The following DGKI variants were observed in gnomAD, a reference collection of about 807,000 sequenced individuals.
The protein encoded by DGKI is DAG kinase iota.
In DGKI, 55 loss-of-function variants were observed where a neutral mutation model predicts 147.5. That is an observed-to-expected ratio of 0.37 (90% CI 0.30 to 0.47). DGKI has a LOEUF of 0.47. Ranked by LOEUF, DGKI falls within the 20% of genes least tolerant of loss-of-function variation. The pLI, the probability that DGKI is intolerant of heterozygous loss-of-function variation, is 1.00. For synonymous variants in DGKI, 469 were observed against 477.1 expected (o/e 0.98, Z 0.22); for missense variants, 1,007 against 1,323.8 (o/e 0.76, Z 3.71).
chr7:137,559,996 A>G (rs1409460489), intron 19 of DGKI, among the ~76,000 whole-genome samples: 1 of 152,224 alleles, frequency 6.6e-6, no homozygotes, highest in African/African-American at 2.4e-5. Flanking sequence ...CGTCCCTTAT[A>G]TAAGACTGAT....
chr7:137,793,733 T>TC (rs1177637861), intron 1 of DGKI, among the ~76,000 whole-genome samples: 2 of 152,228 alleles, frequency 1.3e-5, no homozygotes, highest in African/African-American at 4.8e-5. Flanking sequence ...CTTAATGTGA[T>TC]TCCTACAATA....
chr7:137,664,405 AAG>A (rs1822561149), intron 3 of DGKI, among the ~76,000 whole-genome samples: 1 of 151,372 alleles, frequency 6.6e-6, no homozygotes, highest in African/African-American at 2.4e-5. Flanking sequence ...AAAAGAAAGA[AAG>A]AAAGAAAAAA....
At chr7:137,722,654 G>A (rs142699834) in intron 1 of DGKI, 44 of 1,583,264 alleles carry the variant, frequency 2.8e-5, no homozygotes, top group South Asian at 7.7e-5. Flanking sequence ...AAGAAGCTGC[G>A]GAAGCCCAGA....
chr7:137,679,754 G>A (rs926905301), intron 2 of DGKI, among the ~76,000 whole-genome samples: 32 of 151,948 alleles, frequency 2.1e-4, no homozygotes, highest in Non-Finnish European at 4.1e-4. Context: ...TTGGGAGGCC[G>A]AGGTGGGCAG....
intron 1 of DGKI, among the ~76,000 whole-genome samples, chr7:137,738,724 T>TC (rs34551825): frequency 2.3e-4 from 34 of 145,488 alleles, no homozygotes; most frequent in Non-Finnish European, 3.9e-4. Flanking sequence ...AAGATGAGGT[T>TC]CCCCCCCCCC....
At chr7:137,800,285 C>G (rs1386581892) in intron 1 of DGKI, among the ~76,000 whole-genome samples, 1 of 152,046 alleles carries the variant, frequency 6.6e-6, no homozygotes, top group Non-Finnish European at 1.5e-5. Flanking sequence ...TGTCCCCACC[C>G]AAATATCCTG....
chr7:137,513,803 T>C (rs1057295206), intron 21 of DGKI: 33 of 602,288 alleles, frequency 5.5e-5, no homozygotes, highest in Non-Finnish European at 9.2e-5. Context: ...AGTAAAACTA[T>C]GGTATTAAAA....
chr7:137,620,298 G>A (rs1820702029), intron 7 of DGKI, among the ~76,000 whole-genome samples: 2 of 152,168 alleles, frequency 1.3e-5, no homozygotes, highest in African/African-American at 4.8e-5. Flanking sequence ...TAGAGTCTTG[G>A]AGGGTTCTAT....
intron 21 of DGKI, among the ~76,000 whole-genome samples, chr7:137,488,580 C>T (rs896056542): frequency 4.8e-4 from 73 of 152,100 alleles, no homozygotes; most frequent in African/African-American, 1.7e-3. Flanking sequence ...AATCCATGAT[C>T]TAACATAAAA....
chr7:137,499,118 T>G (rs1224360109), intron 21 of DGKI, among the ~76,000 whole-genome samples: 1 of 152,176 alleles, frequency 6.6e-6, no homozygotes, highest in African/African-American at 2.4e-5. Context: ...ATCTGCTACT[T>G]AGTTTTTTCA....
chr7:137,787,769 AC>A (rs1796718392), intron 1 of DGKI, among the ~76,000 whole-genome samples: 1 of 152,150 alleles, frequency 6.6e-6, no homozygotes, highest in African/African-American at 2.4e-5. Context: ...ACGGAATACT[AC>A]TCAGCCATGA....
chr7:137,530,931 T>C (rs796884052), intron 20 of DGKI, among the ~76,000 whole-genome samples: 4 of 152,194 alleles, frequency 2.6e-5, no homozygotes, highest in Admixed American at 2.6e-4. Context: ...TTACTAGATA[T>C]TATTGCAAAT....
intron 31 of DGKI, chr7:137,395,909 C>T (rs1018652777): frequency 5.7e-6 from 3 of 525,412 alleles, no homozygotes; most frequent in Middle Eastern, 4.9e-4. Flanking sequence ...GACTCTAGCC[C>T]CCTTTCCAAA....
chr7:137,816,405 G>T (rs1445784539), intron 1 of DGKI, among the ~76,000 whole-genome samples: 1 of 152,186 alleles, frequency 6.6e-6, no homozygotes, highest in African/African-American at 2.4e-5. Context: ...GTTAATACAT[G>T]CAAAATGCTT....
At chr7:137,751,872 A>C (rs1795498585) in intron 1 of DGKI, among the ~76,000 whole-genome samples, 1 of 152,184 alleles carries the variant, frequency 6.6e-6, no homozygotes, top group Non-Finnish European at 1.5e-5. Flanking sequence ...TCAACCTCAG[A>C]ACCAAAAAGC....
chr7:137,641,215 A>G (rs1336280903), intron 6 of DGKI, among the ~76,000 whole-genome samples: 6 of 152,162 alleles, frequency 3.9e-5, no homozygotes, highest in Non-Finnish European at 7.3e-5. Context: ...ATGATTGTGA[A>G]GCCTCCCCAG....
In DGKI at chr7:137,384,846, A is replaced by C. The variant is rs533547792; in HGVS notation, c.*6374T>G. ...TCCCACTATCAAAGCCTCCCATTTC[A>C]GAAGGCATTTGGCTCAAAATATTGA... is the stretch of plus-strand genomic sequence containing the variant. On this transcript the variant is annotated 3_prime_UTR_variant, in exon 33 of 33. Coordinates refer to ENST00000614521, the MANE Select transcript of DGKI (RefSeq NM_001321708.2). 1 of 152,272 alleles carries C rather than the reference A, an allele frequency of 6.6e-6. No homozygotes were observed. The highest frequency in any genetic ancestry group is 2.1e-4 in the South Asian group (1 of 4,830). The allele number at this position is 152,272 out of a possible 1,614,324, so 9.4% of individuals were successfully genotyped here.
At chr7:137,487,537 A>T (rs983725017) in intron 22 of DGKI, 73 bp downstream of exon 22, 7 of 1,329,952 alleles carry the variant, frequency 5.3e-6, no homozygotes, top group Non-Finnish European at 7.6e-6. Context: ...TTCAGAAGCA[A>T]ATATATATGG....
intron 27 of DGKI, among the ~76,000 whole-genome samples, chr7:137,459,021 C>T (rs554150127): frequency 6.6e-6 from 1 of 152,318 alleles, no homozygotes; most frequent in African/African-American, 2.4e-5. Context: ...ACACTATACA[C>T]ATTGCGTATC....
Sources: gnomAD v4.1 joint callset for allele counts (sites outside exome capture counted in the v4.1 genomes callset) on GRCh38, gnomAD v4.1.1 for gene constraint, MANE v1.5 for transcripts, NCBI Gene and HGNC (gene_info 2026-07-23, HGNC 2026-07-21) for gene names.